TMEM132D: variants seen among roughly 807,000 people sequenced by gnomAD.
TMEM132D encodes mature OL transmembrane protein.
A neutral mutation model predicts 62.3 loss-of-function variants in TMEM132D; 21 were observed. The observed-to-expected ratio is 0.34, with a 90% CI of 0.24 to 0.49. The LOEUF is 0.49. TMEM132D is among the 20% of genes least tolerant of loss of function. The probability of loss-of-function intolerance (pLI) is 0.99; values close to 1 mark genes in which losing one functional copy is unlikely to be tolerated. For synonymous variants in TMEM132D, 621 were observed against 575.6 expected (o/e 1.08, Z -1.13); for missense variants, 1,346 against 1,402.8 (o/e 0.96, Z 0.65).
chr12:129,174,169 A>G (rs12320730), intron 5 of TMEM132D, among the ~76,000 whole-genome samples: 13,170 of 152,148 alleles, frequency 0.087, 850 homozygotes, highest in African/African-American at 0.17. Flanking sequence ...TTACATAGGT[A>G]TATGTGTGCC....
chr12:129,597,756 G>A (rs551629323), intron 2 of TMEM132D, among the ~76,000 whole-genome samples: 13 of 152,198 alleles, frequency 8.5e-5, no homozygotes, highest in Non-Finnish European at 1.8e-4. Context: ...ATTGGTTGAA[G>A]TGTTCTCTTC....
intron 3 of TMEM132D, among the ~76,000 whole-genome samples, chr12:129,513,998 T>A (rs561553203): frequency 6.7e-6 from 1 of 148,934 alleles, no homozygotes. Context: ...CCACCACGCC[T>A]GGCTAATTTT....
In TMEM132D at chr12:129,903,525, C is replaced by T. The variant is rs543502202; in HGVS notation, c.-186G>A. 3.3e-6 allele frequency: 2 copies of T among 610,280 alleles called. No individual in the cohort carries two copies. Among genetic ancestry groups the T allele is most frequent in the Admixed American group, 3.0e-5 (1 of 33,704 alleles). The allele number at this position is 610,280 out of a possible 1,614,324, so 37.8% of individuals were successfully genotyped here. A position where few individuals can be genotyped will look rare whatever the true frequency, so the allele number is the denominator to read the frequency against. ...CATGGCCAGGCCGGGAGGCGACGAC[C>T]GCGCGGGCTCCTGAGTTGCTCTCCG... On this transcript the variant is annotated 5_prime_UTR_variant, in exon 1 of 9. Transcript: ENST00000422113. This position sits in a 1 kb window ranked among gnomAD's most constrained non-coding sequence, Gnocchi z 6.2.
At chr12:129,602,474 A>C (rs867050094) in intron 2 of TMEM132D, among the ~76,000 whole-genome samples, 2 of 152,014 alleles carry the variant, frequency 1.3e-5, no homozygotes, top group Admixed American at 6.6e-5. Flanking sequence ...GAAAAAAAAA[A>C]CTGAAAAGTA....
chr12:129,267,373 A>G lies in TMEM132D; in HGVS notation c.1300-57710T>C, dbSNP rs551729035. Among the ~76,000 whole-genome samples, 10 of 152,240 alleles carry G rather than the reference A, an allele frequency of 6.6e-5. 1 individual carries two copies. The South Asian group carries it at 2.1e-3, about 32-fold the overall frequency. ...AAATCAATGTGCGAAAATCACAAGCATTCTCACACACCAATAACAAACAAA... is the reference window on the plus strand; with the variant it reads ...AAATCAATGTGCGAAAATCACAAGCGTTCTCACACACCAATAACAAACAAA... On this transcript the variant is annotated intron_variant, in intron 4 of 8. Coordinates refer to ENST00000422113, the MANE Select transcript of TMEM132D (RefSeq NM_133448.3).
chr12:129,717,880 G>C (rs932516345), intron 1 of TMEM132D, among the ~76,000 whole-genome samples: 1 of 152,132 alleles, frequency 6.6e-6, no homozygotes, highest in Admixed American at 6.5e-5. Context: ...TCTCAAGTGC[G>C]CTCGTGCTGG....
At chr12:129,473,066 T>A (rs1874141617) in intron 3 of TMEM132D, among the ~76,000 whole-genome samples, 1 of 152,060 alleles carries the variant, frequency 6.6e-6, no homozygotes. Flanking sequence ...GGTTTCACCA[T>A]GTTGGTCAGG....
intron 1 of TMEM132D, among the ~76,000 whole-genome samples, chr12:129,756,147 G>C (rs1377088112): frequency 6.6e-6 from 1 of 152,186 alleles, no homozygotes; most frequent in Non-Finnish European, 1.5e-5. Context: ...AGACACTGCT[G>C]TTCAACAAGT....
Position 129,577,977 on chromosome 12 carries a change from G to A in TMEM132D, c.969-46772C>T, listed in dbSNP as rs557725992. Among the ~76,000 whole-genome samples the A allele has an allele frequency of 2.4e-4, 36 of 152,226 alleles. No homozygotes were observed. In the South Asian group the frequency reaches 6.7e-3, roughly 28 times the overall value. On this transcript the variant is annotated intron_variant, in intron 2 of 8. Transcript: ENST00000422113. ...AGACAGAGTAAAGAACATCATCCTC[G>A]CCAATTCACCATCCAATCTGTTGAG...
chr12:129,632,479 G>A (rs12818459), intron 2 of TMEM132D, among the ~76,000 whole-genome samples: 5,137 of 152,076 alleles, frequency 0.034, 112 homozygotes, highest in Middle Eastern at 0.099. Flanking sequence ...TCCAGTCTTC[G>A]GAGTTCTGTC....
intron 1 of TMEM132D, among the ~76,000 whole-genome samples, chr12:129,786,450 G>T (rs1871250403): frequency 6.6e-6 from 1 of 152,212 alleles, no homozygotes; most frequent in Non-Finnish European, 1.5e-5. Flanking sequence ...AAACCATACA[G>T]AAAAGGGAAC....
At chr12:129,382,826 G>C (rs1277476509) in intron 3 of TMEM132D, among the ~76,000 whole-genome samples, 1 of 152,166 alleles carries the variant, frequency 6.6e-6, no homozygotes, top group African/African-American at 2.4e-5. Flanking sequence ...AGGGGGAGAA[G>C]TCCTAGTTTG....
At position 129,366,728 on chromosome 12, in the gene TMEM132D, C is replaced by G. The variant is rs2135677780; in HGVS notation, c.1116-28911G>C. On this transcript the variant is annotated intron_variant, in intron 3 of 8. Transcript: ENST00000422113. ...TGGTGTGAAAGGAGCCACAAGTATG[C>G]AAAGACAGGGCCAGCATGGCTTTGA... Among the ~76,000 whole-genome samples, 2 of 152,260 alleles carry G rather than the reference C, an allele frequency of 1.3e-5. 1 individual carries two copies. Among genetic ancestry groups the G allele is most frequent in the South Asian group, 4.1e-4 (2 of 4,826 alleles).
At chr12:129,758,737 T>C (rs1229208563) in intron 1 of TMEM132D, among the ~76,000 whole-genome samples, 1 of 152,200 alleles carries the variant, frequency 6.6e-6, no homozygotes, top group Non-Finnish European at 1.5e-5. Context: ...ATTAGGAGTA[T>C]TAAAATTTCA....
rs78810115 is a variant in TMEM132D at position 129,274,059 on chromosome 12, G to A, written c.1299+63575C>T. 1.1e-3 allele frequency among the ~76,000 whole-genome samples: 166 copies of A among 151,840 alleles called. 3 individuals are homozygous for A. The highest frequency in any genetic ancestry group is 3.7e-3 in the African/African-American group (153 of 41,162). On this transcript the variant is annotated intron_variant, in intron 4 of 8. Coordinates refer to ENST00000422113, the MANE Select transcript of TMEM132D (RefSeq NM_133448.3). ...GTTAAGAAGATACATTCTCTTGGAT[G>A]TGAGTTTCCTAGTTGTAGAAAAAAA...
intron 2 of TMEM132D, among the ~76,000 whole-genome samples, chr12:129,600,018 C>T (rs773647599): frequency 9.9e-5 from 15 of 152,232 alleles, no homozygotes; most frequent in Non-Finnish European, 1.2e-4. Flanking sequence ...TCAATGGACT[C>T]GTCTTTTGAC....
At chr12:129,613,777 G>A (rs1324560175) in intron 2 of TMEM132D, among the ~76,000 whole-genome samples, 2 of 137,880 alleles carry the variant, frequency 1.5e-5, no homozygotes, top group Admixed American at 7.0e-5. Context: ...CAGAACCAAG[G>A]TGACTGTCTC....
intron 4 of TMEM132D, among the ~76,000 whole-genome samples, chr12:129,312,520 C>T (rs1347474365): frequency 6.6e-6 from 1 of 152,132 alleles, no homozygotes; most frequent in Non-Finnish European, 1.5e-5. Flanking sequence ...CATTTTTGTA[C>T]ACCTGCTGTA....
chr12:129,649,506 A>C (rs1879866945), intron 2 of TMEM132D, among the ~76,000 whole-genome samples: 1 of 152,206 alleles, frequency 6.6e-6, no homozygotes, highest in Non-Finnish European at 1.5e-5. Context: ...CCATCTTTGC[A>C]AAATAATTAT....
Sources: gnomAD v4.1 joint callset for allele counts (sites outside exome capture counted in the v4.1 genomes callset) on GRCh38, gnomAD v4.1.1 for gene constraint, Gnocchi (gnomAD v3.1) non-coding constraint, MANE v1.5 for transcripts, NCBI Gene and HGNC (gene_info 2026-07-23, HGNC 2026-07-21) for gene names.